GRIP1: variants seen among roughly 807,000 people sequenced by gnomAD.
The protein encoded by GRIP1 is glutamate receptor-interacting protein 1.
GRIP1 carries 45 observed loss-of-function variants against 129.9 expected under a neutral mutation model. The ratio of observed to expected loss-of-function variants is 0.35; its 90% CI spans 0.27 to 0.44. The LOEUF (loss-of-function observed/expected upper bound fraction) is 0.44, where lower values mean the gene tolerates loss of function less well. Ranked by LOEUF, GRIP1 falls within the 20% of genes least tolerant of loss-of-function variation. GRIP1 has a pLI of 1.00. For missense variants in GRIP1, 1,196 were observed against 1,396.8 expected, an observed-to-expected ratio of 0.86 and a Z score of 2.29; for synonymous variants, 530 against 520.8, an observed-to-expected ratio of 1.02 and a Z score of -0.24.
chr12:66,455,695 T>TA, intron 10 of GRIP1, 131 bp from the exon 11 acceptor site: 1 of 787,830 alleles, frequency 1.3e-6, no homozygotes, highest in Non-Finnish European at 2.2e-6. Flanking sequence ...CCCAGCCAGC[T>TA]AGAGGCCAGC....
intron 1 of GRIP1, among the ~76,000 whole-genome samples, chr12:66,713,971 C>T (rs1396692333): frequency 1.3e-5 from 2 of 151,984 alleles, no homozygotes. Context: ...TAAAAAAATT[C>T]ATTTAAATTC....
chr12:66,695,427 G>T (rs1312228425), intron 1 of GRIP1, among the ~76,000 whole-genome samples: 1 of 152,116 alleles, frequency 6.6e-6, no homozygotes, highest in East Asian at 1.9e-4. Context: ...CGAGCTATGG[G>T]CCACACGAGA....
At position 66,859,292 on chromosome 12, in the gene GRIP1, CAAAAAAACA is replaced by C. The variant is rs1566054663; in HGVS notation, c.58+209749_58+209757del. The stretch of plus-strand genomic sequence containing the variant: ...ACAAAAAAACAAAAAAACAAAAAAA[CAAAAAAACA>C]AAAAAAAACCAGTATTAGCCATCAC... On this transcript the variant is annotated intron_variant, in intron 1 of 1. Transcript: ENST00000643019. Among the ~76,000 whole-genome samples, 12 of 11,708 alleles carry C rather than the reference CAAAAAAACA, an allele frequency of 1.0e-3. 1 individual carries two copies. Among genetic ancestry groups the C allele is most frequent in the East Asian group, 8.5e-3 (2 of 234 alleles). 7.7% of individuals were successfully genotyped at this position (11,708 alleles called of 152,430 possible).
intron 2 of GRIP1, among the ~76,000 whole-genome samples, chr12:66,548,014 T>A (rs2062000375): frequency 6.6e-6 from 1 of 152,306 alleles, no homozygotes; most frequent in African/African-American, 2.4e-5. Context: ...AAATGTCCCA[T>A]CAGTGGGTAT....
At chr12:66,775,641 C>A (rs550674377) in intron 1 of GRIP1, among the ~76,000 whole-genome samples, 1 of 151,882 alleles carries the variant, frequency 6.6e-6, no homozygotes, top group Non-Finnish European at 1.5e-5. Flanking sequence ...TGTAACTGGA[C>A]AGAGACCTTT....
intron 2 of GRIP1, among the ~76,000 whole-genome samples, chr12:66,576,367 G>A (rs2063139330): frequency 6.6e-6 from 1 of 152,212 alleles, no homozygotes; most frequent in Non-Finnish European, 1.5e-5. Context: ...CCTTGGCACT[G>A]CTATGCTCAA....
intron 1 of GRIP1, among the ~76,000 whole-genome samples, chr12:66,642,825 T>C (rs1592691360): frequency 6.6e-6 from 1 of 152,190 alleles, no homozygotes; most frequent in East Asian, 1.9e-4. Context: ...AATACAGTGA[T>C]AATAGCACAG....
chr12:66,494,810 G>A (rs1195850420), intron 7 of GRIP1, among the ~76,000 whole-genome samples: 1 of 152,162 alleles, frequency 6.6e-6, no homozygotes, highest in South Asian at 2.1e-4. Flanking sequence ...GAGCCCAAGA[G>A]TTTGAGGCTG....
At chr12:66,854,811 T>C (rs1192321064) in intron 1 of GRIP1, among the ~76,000 whole-genome samples, 1 of 152,042 alleles carries the variant, frequency 6.6e-6, no homozygotes, top group African/African-American at 2.4e-5. Context: ...GAAGTCAGTG[T>C]TGATATAAGA....
At chr12:66,549,495 G>T (rs2062056064) in intron 2 of GRIP1, among the ~76,000 whole-genome samples, 2 of 152,184 alleles carry the variant, frequency 1.3e-5, no homozygotes, top group South Asian at 4.2e-4. Context: ...TTTTGGTGGT[G>T]CCACTAGGAA....
chr12:66,856,699 T>C (rs867902892), intron 1 of GRIP1, among the ~76,000 whole-genome samples: 4 of 151,040 alleles, frequency 2.6e-5, no homozygotes, highest in Non-Finnish European at 4.4e-5. Flanking sequence ...GTTAGAATGG[T>C]GATCATTAAA....
chr12:66,394,569 ATGACT>A (rs1437523937), intron 16 of GRIP1, among the ~76,000 whole-genome samples: 1 of 152,220 alleles, frequency 6.6e-6, no homozygotes, highest in Non-Finnish European at 1.5e-5. Context: ...ACACTGCCTA[ATGACT>A]TATGTTTTAA....
intron 17 of GRIP1, among the ~76,000 whole-genome samples, chr12:66,393,162 T>C (rs1326323247): frequency 4.1e-5 from 6 of 147,120 alleles, no homozygotes; most frequent in African/African-American, 1.5e-4. Flanking sequence ...ATCCTTTCTT[T>C]CTACAGATTT....
chr12:66,568,034 A>G, intron 2 of GRIP1: 1 of 212,834 alleles, frequency 4.7e-6, no homozygotes, highest in East Asian at 1.3e-4. Flanking sequence ...AGATATCACC[A>G]ATGAATTGAA....
intron 13 of GRIP1, among the ~76,000 whole-genome samples, chr12:66,438,209 G>A (rs539518363): frequency 1.1e-4 from 17 of 152,298 alleles, no homozygotes; most frequent in African/African-American, 4.1e-4. Context: ...AGAAGGGTAG[G>A]ATACCAAACC....
intron 1 of GRIP1, among the ~76,000 whole-genome samples, chr12:66,756,927 C>A (rs1034586856): frequency 6.6e-6 from 1 of 152,102 alleles, no homozygotes; most frequent in Admixed American, 6.5e-5. Flanking sequence ...CCATCTAAAC[C>A]CTATGTGCCA....
At chr12:66,958,339 G>C (rs926117593) in intron 1 of GRIP1, among the ~76,000 whole-genome samples, 1 of 152,072 alleles carries the variant, frequency 6.6e-6, no homozygotes, top group African/African-American at 2.4e-5. Flanking sequence ...CACTGCGTGG[G>C]CCAGGCTGGT....
Position 66,347,980 on chromosome 12 carries a change from G to GACAA in GRIP1, c.*1035_*1038dup, listed in dbSNP as rs2054051840. ...ATCTGAACAAATGAAAACAGTTGCT[G>GACAA]ACAAACATTTAAAGCAACTGTCACA... On this transcript the variant is annotated 3_prime_UTR_variant, in exon 25 of 25. Transcript: ENST00000359742. 1 of 152,112 alleles carries GACAA rather than the reference G, an allele frequency of 6.6e-6. No individual in the cohort carries two copies. The highest frequency in any genetic ancestry group is 6.6e-5 in the Admixed American group (1 of 15,266). 9.4% of individuals were successfully genotyped at this position (152,112 alleles called of 1,614,324 possible). A position where few individuals can be genotyped will look rare whatever the true frequency, so the allele number is the denominator to read the frequency against.
At chr12:66,607,784 A>G (rs1452423161) in intron 1 of GRIP1, among the ~76,000 whole-genome samples, 3 of 152,118 alleles carry the variant, frequency 2.0e-5, no homozygotes, top group African/African-American at 4.8e-5. Flanking sequence ...TTTTTGCTAG[A>G]CTTAAGAATT....
Sources: gnomAD v4.1 joint callset for allele counts (sites outside exome capture counted in the v4.1 genomes callset) on GRCh38, gnomAD v4.1.1 for gene constraint, MANE v1.5 for transcripts, NCBI Gene and HGNC (gene_info 2026-07-23, HGNC 2026-07-21) for gene names.